PLEKHA1: variants seen among roughly 807,000 people sequenced by gnomAD.
PLEKHA1 encodes pleckstrin homology domain containing A1, also known as pleckstrin homology domain-containing family A member 1.
A neutral mutation model predicts 52.0 loss-of-function variants in PLEKHA1; 34 were observed. That is an observed-to-expected ratio of 0.65 (90% CI 0.50 to 0.87). The LOEUF is 0.87. Ranked by LOEUF, PLEKHA1 falls within the 40% of genes least tolerant of loss-of-function variation. The pLI, the probability that PLEKHA1 is intolerant of heterozygous loss-of-function variation, is 0.00. For missense variants in PLEKHA1, 497 were observed against 504.2 expected (o/e 0.99, Z 0.14); for synonymous variants, 163 against 170.7 (o/e 0.95, Z 0.35).
At chr10:122,435,887 C>CAAAA (rs144739113), downstream of PLEKHA1, 2 of 120,250 alleles carry the variant, frequency 1.7e-5, no homozygotes, top group Non-Finnish European at 3.6e-5. Context: ...GACACCATCT[C>CAAAA]AAAAAAAAAA....
intron 8 of PLEKHA1, chr10:122,421,163 A>G (rs2097255187): frequency 6.6e-6 from 1 of 152,052 alleles, no homozygotes; most frequent in Non-Finnish European, 1.5e-5. Flanking sequence ...TGGTCAGATG[A>G]TTAAAGTGAA....
rs1309021547 is a variant in PLEKHA1 at position 122,406,573 on chromosome 10, C to T, written c.245-3C>T. 27 of 1,604,974 alleles carry T rather than the reference C, an allele frequency of 1.7e-5. No individual in the cohort carries two copies. The Admixed American group carries it at 4.4e-4, about 26-fold the overall frequency. On this transcript the variant is annotated splice_polypyrimidine_tract_variant and splice_region_variant and intron_variant, in intron 4 of 11. Transcript: ENST00000368990. ...TTGGTGTGTTATTTTTTTCTGTCAA[C>T]AGTTATGAATGCAGGAATGAGGAAG...
chr10:122,382,875 A>G (rs2096634125), intron 1 of PLEKHA1, among the ~76,000 whole-genome samples: 2 of 152,204 alleles, frequency 1.3e-5, no homozygotes, highest in Non-Finnish European at 2.9e-5. Flanking sequence ...TATACCTAAA[A>G]TGTTTCACAT....
intron 1 of PLEKHA1, among the ~76,000 whole-genome samples, chr10:122,381,849 A>G (rs2096619545): frequency 6.6e-6 from 1 of 152,180 alleles, no homozygotes; most frequent in South Asian, 2.1e-4. Flanking sequence ...AGTTTGAGAT[A>G]GCTTGTTAGA....
At chr10:122,394,056 T>G (rs1331137226) in intron 2 of PLEKHA1, among the ~76,000 whole-genome samples, 2 of 150,256 alleles carry the variant, frequency 1.3e-5, no homozygotes, top group African/African-American at 4.9e-5. Context: ...TTTTAAACTT[T>G]CAACTTTCTC....
At chr10:122,413,366 C>T (rs2097132436) in intron 6 of PLEKHA1, among the ~76,000 whole-genome samples, 1 of 152,114 alleles carries the variant, frequency 6.6e-6, no homozygotes, top group South Asian at 2.1e-4. Context: ...CCTTTTATAT[C>T]ATTTTTAATG....
rs142393120 is a variant in PLEKHA1 at position 122,385,124 on chromosome 10, T to TA, written c.-20-8056dup. ...CTCTGAGAAGTATCCTCATGCCACT[T>TA]ACAGTCCTTCCCTTCACCCTCAGCT... On this transcript the variant is annotated intron_variant, in intron 1 of 11. Coordinates refer to ENST00000368990, the MANE Select transcript of PLEKHA1 (RefSeq NM_001001974.4). Among the ~76,000 whole-genome samples the TA allele has an allele frequency of 3.6e-4, 55 of 152,188 alleles. No individual in the cohort carries two copies. In the East Asian group the frequency reaches 0.01, roughly 28 times the overall value.
chr10:122,432,976 A>G (rs2097425373), downstream of PLEKHA1: 1 of 152,194 alleles, frequency 6.6e-6, no homozygotes, highest in South Asian at 2.1e-4. Context: ...GATAAATTGT[A>G]CTTTTGAATT....
intron 6 of PLEKHA1, among the ~76,000 whole-genome samples, chr10:122,413,591 T>TAA (rs2097135661): frequency 6.6e-6 from 1 of 152,134 alleles, no homozygotes; most frequent in African/African-American, 2.4e-5. Flanking sequence ...CTAAGTGAGC[T>TAA]AAACAGAAGA....
At chr10:122,411,209 A>G (rs759274967) in intron 5 of PLEKHA1, among the ~76,000 whole-genome samples, 1 of 152,212 alleles carries the variant, frequency 6.6e-6, no homozygotes, top group Non-Finnish European at 1.5e-5. Context: ...AGGGCATTGT[A>G]GTATGAATAC....
At chr10:122,376,695 G>T (rs996634438) in intron 1 of PLEKHA1, among the ~76,000 whole-genome samples, 2 of 152,076 alleles carry the variant, frequency 1.3e-5, no homozygotes, top group Non-Finnish European at 2.9e-5. Context: ...TAGGAAAGAT[G>T]GTGTGTAAAA....
intron 11 of PLEKHA1, among the ~76,000 whole-genome samples, chr10:122,429,209 T>C (rs1465757301): frequency 6.6e-6 from 1 of 152,182 alleles, no homozygotes; most frequent in Non-Finnish European, 1.5e-5. Flanking sequence ...TTCTAAAATA[T>C]GTGGGATAAT....
chr10:122,403,909 C>T (rs2096967344), intron 4 of PLEKHA1, among the ~76,000 whole-genome samples: 1 of 152,170 alleles, frequency 6.6e-6, no homozygotes, highest in African/African-American at 2.4e-5. Flanking sequence ...CCAGGCTTGT[C>T]TCGAACCCCT....
intron 6 of PLEKHA1, among the ~76,000 whole-genome samples, chr10:122,414,140 A>G (rs1190165564): frequency 6.6e-6 from 1 of 152,108 alleles, no homozygotes; most frequent in Non-Finnish European, 1.5e-5. Context: ...AATGATTTTA[A>G]ACTGTTAACC....
intron 5 of PLEKHA1, chr10:122,412,704 C>A: frequency 1.9e-6 from 1 of 522,420 alleles, no homozygotes; most frequent in Non-Finnish European, 3.3e-6. Context: ...CTAGTACCTG[C>A]CCGAGTAAGC....
intron 1 of PLEKHA1, among the ~76,000 whole-genome samples, chr10:122,375,597 A>G (rs1226450075): frequency 1.3e-5 from 2 of 152,188 alleles, no homozygotes; most frequent in Admixed American, 6.5e-5. Flanking sequence ...TCCTGGAAAG[A>G]GGGGAAAGTG....
intron 3 of PLEKHA1, among the ~76,000 whole-genome samples, chr10:122,398,955 C>T (rs922104097): frequency 3.3e-5 from 5 of 152,076 alleles, no homozygotes; most frequent in East Asian, 3.8e-4. Flanking sequence ...AATTTACATA[C>T]GACAAATATT....
chr10:122,404,142 TGAG>T (rs1244245533), intron 4 of PLEKHA1, among the ~76,000 whole-genome samples: 2 of 152,226 alleles, frequency 1.3e-5, no homozygotes, highest in East Asian at 1.9e-4. Context: ...ATTTCACAGA[TGAG>T]GAGTATCGGG....
rs2097405016 is a variant in PLEKHA1, at chr10:122,430,226, TC to T, written c.*289del. 1.2e-5 allele frequency: 3 copies of T among 260,214 alleles called. No homozygotes were observed. The highest frequency in any genetic ancestry group is 2.2e-5 in the Non-Finnish European group (3 of 139,088). The allele number at this position is 260,214 out of a possible 1,614,324, so 16.1% of individuals were successfully genotyped here. ...TAACAATGTATGTGTAATATTTTTT[TC>T]TTAGTGATTTTGACAGTTTAAATGT... On this transcript the variant is annotated 3_prime_UTR_variant, in exon 12 of 12. Coordinates refer to ENST00000368990, the MANE Select transcript of PLEKHA1 (RefSeq NM_001001974.4).
Sources: allele counts gnomAD v4.1 joint callset (sites outside exome capture counted in the v4.1 genomes callset), GRCh38; gene constraint gnomAD v4.1.1; transcripts MANE v1.5; gene names NCBI Gene and HGNC (gene_info 2026-07-23, HGNC 2026-07-21).